The following ENKUR variants were observed in gnomAD, a reference collection of about 807,000 sequenced individuals.
ENKUR encodes enkurin.
A neutral mutation model predicts 27.6 loss-of-function variants in ENKUR; 19 were observed. The ratio of observed to expected loss-of-function variants is 0.69; its 90% CI spans 0.48 to 1.01. The LOEUF (loss-of-function observed/expected upper bound fraction) is 1.01, where lower values mean the gene tolerates loss of function less well. Ranked by LOEUF, ENKUR falls within the 50% of genes least tolerant of loss-of-function variation. ENKUR has a pLI of 0.00. For missense variants in ENKUR, 312 were observed against 310.5 expected (o/e 1.00, Z -0.04); for synonymous variants, 117 against 96.9 (o/e 1.21, Z -1.22).
intron 2 of ENKUR, among the ~76,000 whole-genome samples, chr10:25,040,692 A>G (rs990315483): frequency 1.3e-5 from 2 of 152,268 alleles, no homozygotes; most frequent in Non-Finnish European, 2.9e-5. Context: ...TTCAAGAGGA[A>G]CTCACTTCAA....
chr10:25,025,578 C>G, intron 2 of ENKUR: 1 of 960,354 alleles, frequency 1.0e-6, no homozygotes, highest in East Asian at 2.6e-5. Flanking sequence ...TTTGGAATTT[C>G]AAAAGTCTGA....
At chr10:25,056,925 G>C (rs887956778) in intron 2 of ENKUR, among the ~76,000 whole-genome samples, 1 of 152,148 alleles carries the variant, frequency 6.6e-6, no homozygotes. Context: ...ATCCAGGTAG[G>C]TTCTGGAATC....
At chr10:25,037,702 AATGACCTCCTAG>A (rs925432905) in intron 2 of ENKUR, among the ~76,000 whole-genome samples, 3 of 151,952 alleles carry the variant, frequency 2.0e-5, no homozygotes, top group African/African-American at 4.8e-5. Flanking sequence ...ATTTCCTTAA[AATGACCTCCTAG>A]ATGACCTCCT....
At chr10:25,028,664 T>A (rs1022427019) in intron 2 of ENKUR, among the ~76,000 whole-genome samples, 1 of 152,196 alleles carries the variant, frequency 6.6e-6, no homozygotes, top group African/African-American at 2.4e-5. Flanking sequence ...CTTCACAGAG[T>A]TATCTACATA....
Position 25,023,841 on chromosome 10 carries a change from G to T in ENKUR, c.38-27972C>A, listed in dbSNP as rs979296280. The T allele has an allele frequency of 7.4e-6, 12 of 1,613,988 alleles. No homozygotes were observed. The Admixed American group carries it at 1.5e-4, about 20-fold the overall frequency. On this transcript the variant is annotated intron_variant, in intron 2 of 5. Transcript: ENST00000615958. Reference sequence around the variant, plus strand: ...ATGCTCGTGTTTTCTGTGAAAGTGGGGCTTCCCCAGAGGAGGTAGCTGACA... The same window carrying T: ...ATGCTCGTGTTTTCTGTGAAAGTGGTGCTTCCCCAGAGGAGGTAGCTGACA...
intron 2 of ENKUR, among the ~76,000 whole-genome samples, chr10:25,053,568 A>T (rs547866232): frequency 6.6e-6 from 1 of 152,260 alleles, no homozygotes; most frequent in African/African-American, 2.4e-5. Context: ...ATTTTCTATT[A>T]TAAATAGTTA....
intron 3 of ENKUR, among the ~76,000 whole-genome samples, chr10:24,995,133 A>G (rs2132685470): frequency 6.6e-6 from 1 of 152,116 alleles, no homozygotes; most frequent in South Asian, 2.1e-4. Context: ...TCAAGTCTTT[A>G]CCCAAAACCA....
chr10:25,024,426 A>T (rs1440091822), intron 2 of ENKUR: 1 of 1,613,948 alleles, frequency 6.2e-7, no homozygotes, highest in East Asian at 2.2e-5. Context: ...AGCAAAGGAT[A>T]GCTGTGGTTG....
Position 24,995,839 on chromosome 10 carries a change from T to G in ENKUR, c.254A>C (p.Lys85Thr), listed in dbSNP as rs1182215292. 1.2e-6 allele frequency: 2 copies of G among 1,610,792 alleles called. No homozygotes were observed. The highest frequency in any genetic ancestry group is 1.7e-6 in the Non-Finnish European group (2 of 1,179,344). The change falls in exon 3 of 6, where the codon AAG becomes ACG. Residue 85 changes from lysine (K) to threonine (T), a missense_variant. Transcript: ENST00000331161. ...ATCAGTCTTCAATGGCACAGCAGGC[T>G]TTTTGGGCACGTTCCGATCAAAGTT... Reference protein sequence around the residue: ...KKNFDRNVPKKPAVPLKTDHP... With the variant: ...KKNFDRNVPKTPAVPLKTDHP...
At chr10:25,037,549 G>A (rs563847840) in intron 2 of ENKUR, among the ~76,000 whole-genome samples, 16 of 152,162 alleles carry the variant, frequency 1.1e-4, no homozygotes. Flanking sequence ...CCTCTTCCAG[G>A]AAGAGAAAGT....
At chr10:25,054,624 G>T (rs1326829919) in intron 2 of ENKUR, among the ~76,000 whole-genome samples, 2 of 144,196 alleles carry the variant, frequency 1.4e-5, no homozygotes, top group Non-Finnish European at 3.0e-5. Flanking sequence ...CATACAGAAG[G>T]TGCTCTCTTA....
At chr10:25,033,710 CAAG>C (rs112279074) in intron 2 of ENKUR, among the ~76,000 whole-genome samples, 3,073 of 151,962 alleles carry the variant, frequency 0.02, 82 homozygotes, top group African/African-American at 0.068. Flanking sequence ...TTTGAAAAAT[CAAG>C]AAAAAACAGT....
chr10:25,010,699 G>T (rs1269967599), intron 1 of ENKUR, among the ~76,000 whole-genome samples: 1 of 141,616 alleles, frequency 7.1e-6, no homozygotes, highest in Admixed American at 7.5e-5. Context: ...GCGGTGTTTG[G>T]TTTTTTGTCC....
chr10:24,988,758 C>T (rs1849856899), intron 4 of ENKUR, among the ~76,000 whole-genome samples: 1 of 107,826 alleles, frequency 9.3e-6, no homozygotes, highest in Non-Finnish European at 1.8e-5. Flanking sequence ...AGTTTGGAAT[C>T]ACTAGACCAG....
At chr10:25,002,744 A>G (rs928061368) in intron 1 of ENKUR, among the ~76,000 whole-genome samples, 1 of 152,054 alleles carries the variant, frequency 6.6e-6, no homozygotes, top group African/African-American at 2.4e-5. Flanking sequence ...TTTTCCTTTT[A>G]GGAGCCTTGC....
In ENKUR at chr10:24,985,010, G is replaced by GA. The variant is rs1282672331; in HGVS notation, c.595-106dup. 6.7e-6 allele frequency: 6 copies of GA among 889,560 alleles called. No individual in the cohort carries two copies. The East Asian group carries it at 7.6e-5, about 11-fold the overall frequency. The allele number at this position is 889,560 out of a possible 1,614,324, so 55.1% of individuals were successfully genotyped here. On this transcript the variant is annotated intron_variant, in intron 4 of 5. Transcript: ENST00000331161. ...AAAATGTCAATAAGTAAAAGAAACT[G>GA]ACAAAAATAACTTCTAAAATGAAAT...
At chr10:25,048,367 C>T (rs1184156919) in intron 2 of ENKUR, among the ~76,000 whole-genome samples, 2 of 151,994 alleles carry the variant, frequency 1.3e-5, no homozygotes, top group Admixed American at 1.3e-4. Context: ...ATCCGTGAAG[C>T]GTGGAGGCGA....
chr10:25,050,713 A>G (rs1360287772), intron 2 of ENKUR, among the ~76,000 whole-genome samples: 1 of 152,156 alleles, frequency 6.6e-6, no homozygotes, highest in Non-Finnish European at 1.5e-5. Context: ...TGCAGAGGAG[A>G]CAGTGAAACC....
At chr10:25,041,209 C>G (rs11014361) in intron 2 of ENKUR, among the ~76,000 whole-genome samples, 41,986 of 151,948 alleles carry the variant, frequency 0.28, 6,506 homozygotes, top group East Asian at 0.48. Context: ...AAAGTAATTT[C>G]TTCCACTGTC....
Sources: gnomAD v4.1 joint callset for allele counts (sites outside exome capture counted in the v4.1 genomes callset) on GRCh38, gnomAD v4.1.1 for gene constraint, MANE v1.5 for transcripts, NCBI Gene and HGNC (gene_info 2026-07-23, HGNC 2026-07-21) for gene names.